The following SRGAP3 variants were observed in gnomAD, a reference collection of about 807,000 sequenced individuals.
SRGAP3 encodes SLIT-ROBO Rho GTPase-activating protein 3.
In SRGAP3, 39 loss-of-function variants were observed where a neutral mutation model predicts 121.1. The ratio of observed to expected loss-of-function variants is 0.32; its 90% CI spans 0.25 to 0.42. The LOEUF is 0.42. SRGAP3 is among the 10% of genes least tolerant of loss of function. SRGAP3 has a pLI of 1.00. For synonymous variants in SRGAP3, 601 were observed against 570.0 expected, an observed-to-expected ratio of 1.05 and a Z score of -0.77; for missense variants, 1,213 against 1,470.6, an observed-to-expected ratio of 0.82 and a Z score of 2.86.
At chr3:9,019,979 C>T (rs936730843) in intron 14 of SRGAP3, among the ~76,000 whole-genome samples, 2 of 152,228 alleles carry the variant, frequency 1.3e-5, no homozygotes, top group Non-Finnish European at 2.9e-5. Context: ...TGTATTCACA[C>T]AGCACTTCTC....
chr3:9,038,025 G>A (rs1944844070), intron 11 of SRGAP3, 38 bp downstream of exon 11: 3 of 1,613,848 alleles, frequency 1.9e-6, no homozygotes, highest in Non-Finnish European at 2.5e-6. Context: ...CCCACCTCGG[G>A]CAGCAGATGA....
chr3:9,279,046 C>T (rs550890512), intron 3 of SRGAP3, among the ~76,000 whole-genome samples: 1 of 151,694 alleles, frequency 6.6e-6, no homozygotes, highest in Non-Finnish European at 1.5e-5. Context: ...GGCTGAGACA[C>T]AAGAATCGCT....
chr3:9,265,991 G>C (rs1430539890), intron 3 of SRGAP3, among the ~76,000 whole-genome samples: 1 of 152,180 alleles, frequency 6.6e-6, no homozygotes, highest in Non-Finnish European at 1.5e-5. Context: ...ATCAATGATA[G>C]ACTGGATAAA....
At chr3:9,289,899 G>A (rs755223356) in intron 3 of SRGAP3, among the ~76,000 whole-genome samples, 2 of 152,184 alleles carry the variant, frequency 1.3e-5, no homozygotes, top group Non-Finnish European at 2.9e-5. Context: ...CTTGAGGTCA[G>A]GAGTTTGAGA....
At chr3:9,290,015 A>G (rs1409486742) in intron 3 of SRGAP3, among the ~76,000 whole-genome samples, 1 of 152,114 alleles carries the variant, frequency 6.6e-6, no homozygotes, top group Non-Finnish European at 1.5e-5. Context: ...GGAGGCTGAG[A>G]CAGGAGAATC....
At chr3:9,231,225 A>G (rs535274274) in intron 1 of SRGAP3, among the ~76,000 whole-genome samples, 22 of 152,308 alleles carry the variant, frequency 1.4e-4, no homozygotes, top group African/African-American at 4.8e-4. Flanking sequence ...TCTGACAAAC[A>G]ATAGTGTAAC....
intron 9 of SRGAP3, among the ~76,000 whole-genome samples, chr3:9,052,111 T>G (rs546032028): frequency 6.6e-6 from 1 of 152,190 alleles, no homozygotes; most frequent in Admixed American, 6.5e-5. Context: ...GTCACTAGGA[T>G]ACTGAGGCTA....
exon 3 of SRGAP3, chr3:9,326,106 C>G (rs192310720): frequency 1.3e-5 from 2 of 152,018 alleles, no homozygotes; most frequent in Admixed American, 1.3e-4. Flanking sequence ...CAAAGTTTTG[C>G]TGTGGTGTGG....
intron 1 of SRGAP3, among the ~76,000 whole-genome samples, chr3:9,344,088 G>A (rs946443982): frequency 3.3e-5 from 5 of 152,228 alleles, no homozygotes; most frequent in Non-Finnish European, 7.3e-5. Context: ...GGGAGGCCAA[G>A]ACGGGCAGAT....
intron 1 of SRGAP3, among the ~76,000 whole-genome samples, chr3:9,228,991 A>G (rs906427768): frequency 1.3e-5 from 2 of 148,222 alleles, no homozygotes; most frequent in Non-Finnish European, 3.0e-5. Context: ...GAACCCGGGA[A>G]GCGGAGCTTG....
chr3:9,022,153 C>G (rs1205558415), intron 14 of SRGAP3, among the ~76,000 whole-genome samples: 1 of 152,082 alleles, frequency 6.6e-6, no homozygotes, highest in Non-Finnish European at 1.5e-5. Flanking sequence ...ATGGTGAAAC[C>G]CTGTCTCTAC....
At chr3:9,344,807 C>T (rs1170030178) in intron 1 of SRGAP3, among the ~76,000 whole-genome samples, 1 of 152,010 alleles carries the variant, frequency 6.6e-6, no homozygotes, top group Non-Finnish European at 1.5e-5. Context: ...GAGGCCTAGG[C>T]GGGTGGATCA....
intron 3 of SRGAP3, among the ~76,000 whole-genome samples, chr3:9,100,302 CTCT>C (rs2124896257): frequency 6.6e-6 from 1 of 152,290 alleles, no homozygotes; most frequent in Non-Finnish European, 1.5e-5. Flanking sequence ...ATTCAGCAGG[CTCT>C]TATTCATCCG....
chr3:9,136,543 C>T (rs994039596), intron 1 of SRGAP3, among the ~76,000 whole-genome samples: 16 of 152,266 alleles, frequency 1.1e-4, no homozygotes, highest in Admixed American at 8.5e-4. Flanking sequence ...TCCCTCTCCC[C>T]TTCCTGTATT....
chr3:8,998,274 C>T lies in SRGAP3; in HGVS notation c.2228-3751G>A, dbSNP rs564446613. 9.2e-5 allele frequency among the ~76,000 whole-genome samples: 14 copies of T among 152,286 alleles called. No individual in the cohort carries two copies. In the East Asian group the frequency reaches 2.5e-3, roughly 27 times the overall value. ...CTTCCTATTGCTTCTCCCTGGGATG[C>T]CTTTCTCCCAGATCTTTGCATTCAT... On this transcript the variant is annotated intron_variant, in intron 18 of 21. Transcript: ENST00000383836.
rs147650920 is a variant in SRGAP3, at chr3:9,104,802, G to A, written c.301C>T (p.Leu101=). Residue 101 remains leucine, a synonymous_variant, in exon 3 of 22, where the codon CTG becomes TTG. Transcript: ENST00000383836. ...TCCCGCCGGGTCTGATGCAGAACCAGATACCAACAGTTCACAGGCGAGAGG... is the reference window on the plus strand; with the variant it reads ...TCCCGCCGGGTCTGATGCAGAACCAAATACCAACAGTTCACAGGCGAGAGG... ...YLLSPVNCWY[L]VLHQTRRESR... 4.3e-5 allele frequency: 70 copies of A among 1,614,272 alleles called. No individual in the cohort carries two copies. The highest frequency in any genetic ancestry group is 5.8e-5 in the Non-Finnish European group (69 of 1,180,058).
chr3:9,232,358 A>G (rs182353679), intron 1 of SRGAP3, among the ~76,000 whole-genome samples: 1 of 152,346 alleles, frequency 6.6e-6, no homozygotes, highest in Admixed American at 6.5e-5. Flanking sequence ...ATTGAACAGT[A>G]TAAAGATGAA....
At chr3:9,347,578 C>T (rs548581045) in intron 1 of SRGAP3, among the ~76,000 whole-genome samples, 9 of 152,294 alleles carry the variant, frequency 5.9e-5, no homozygotes, top group African/African-American at 1.9e-4. Flanking sequence ...CACTGACCTG[C>T]AGATTCATAC....
At chr3:9,214,555 G>A (rs2125185327) in intron 1 of SRGAP3, among the ~76,000 whole-genome samples, 1 of 152,120 alleles carries the variant, frequency 6.6e-6, no homozygotes, top group East Asian at 1.9e-4. Context: ...TTACTTGCAG[G>A]ACTAAGTTAA....
Sources: allele counts gnomAD v4.1 joint callset (sites outside exome capture counted in the v4.1 genomes callset), GRCh38; gene constraint gnomAD v4.1.1; transcripts MANE v1.5; gene names NCBI Gene and HGNC (gene_info 2026-07-23, HGNC 2026-07-21).